The following USP9Y variants were observed in gnomAD, a reference collection of about 807,000 sequenced individuals.
The protein encoded by USP9Y is ubiquitin specific peptidase 9 Y-linked.
USP9Y carries 41 observed loss-of-function variants against 53.1 expected under a neutral mutation model. The observed-to-expected ratio is 0.77, with a 90% CI of 0.60 to 1.00. USP9Y has a LOEUF of 1.00. Among genes scored for constraint, USP9Y ranks in the 50% least tolerant of loss-of-function variants. USP9Y has a pLI of 0.00. For synonymous variants in USP9Y, 220 were observed against 173.7 expected, an observed-to-expected ratio of 1.27 and a Z score of -2.09; for missense variants, 567 against 535.8, an observed-to-expected ratio of 1.06 and a Z score of -0.58.
rs2053538019 is a variant in USP9Y, at chrY:12,818,435, C to T, written c.4846C>T (p.Arg1616Ter). The T allele has an allele frequency of 2.5e-6, 1 of 394,507 alleles. No individual in the cohort carries two copies. Among genetic ancestry groups the T allele is most frequent in the Admixed American group, 7.6e-5 (1 of 13,076 alleles). ...TGGTCTCTAGAGTAATGTTGATCCC[C>T]GAGATGATGTATTTGGATATCCTCA... ...KQDSESNVDP[R>*]DDVFGYPHQF... The change falls in exon 33 of 46, where the codon CGA becomes TGA. Residue 1616 changes from arginine to a stop codon, truncating the protein, a stop_gained. Coordinates refer to ENST00000338981, the MANE Select transcript of USP9Y (RefSeq NM_004654.4). LOFTEE classifies it high-confidence loss of function.
chrY:12,762,297 T>C (rs757463658), intron 15 of USP9Y, among the ~76,000 whole-genome samples: 1 of 33,751 alleles, frequency 3.0e-5, no homozygotes, highest in African/African-American at 1.1e-4. Context: ...ACTCCAATGA[T>C]AATTTTATTC....
At chrY:12,792,927 G>T in intron 26 of USP9Y, 105 bp from the exon 27 acceptor site, 2 of 262,945 alleles carry the variant, frequency 7.6e-6, no homozygotes, top group Non-Finnish European at 6.1e-6. Flanking sequence ...GTCTGAGGCC[G>T]CATGGTCTTT....
chrY:12,792,478 T>G (rs772689622), intron 26 of USP9Y, among the ~76,000 whole-genome samples: 38 of 34,124 alleles, frequency 1.1e-3, no homozygotes, highest in African/African-American at 4.0e-3. Context: ...AAAATATACA[T>G]TAGTGTATTT....
At chrY:12,736,681 A>G in intron 10 of USP9Y, 132 bp downstream of exon 10, 1 of 142,433 alleles carries the variant, frequency 7.0e-6, no homozygotes, top group Admixed American at 1.5e-4. Context: ...AGATCTTTTT[A>G]TAATAATAAT....
intron 33 of USP9Y, among the ~76,000 whole-genome samples, chrY:12,828,891 A>C (rs972742300): frequency 2.7e-4 from 9 of 33,087 alleles, no homozygotes; most frequent in Non-Finnish European, 5.2e-4. Flanking sequence ...AAACAAAAAA[A>C]CCAACAACAT....
At chrY:12,847,415 C>T in intron 42 of USP9Y, 88 bp downstream of exon 42, 2 of 205,472 alleles carry the variant, frequency 9.7e-6, no homozygotes, top group East Asian at 1.0e-4. Context: ...CATTTTTTAT[C>T]TTTGATACTC....
Position 12,736,079 on chromosome Y carries a change from T to C in USP9Y, c.855T>C (p.His285=), listed in dbSNP as rs2053451324. The C allele has an allele frequency of 1.5e-5, 6 of 396,067 alleles. No individual in the cohort carries two copies. ...TTCCAGTTATAGAAATAGTTCCACA[T>C]TTATTGGAAAACTTAACTGATGAAG... ...YFIPVIEIVP[H]LLENLTDEEL... The change falls in exon 9 of 46, where the codon CAT becomes CAC. Residue 285 remains histidine (H), a synonymous_variant. Transcript: ENST00000338981.
chrY:12,848,800 C>G, intron 42 of USP9Y, among the ~76,000 whole-genome samples: 20 of 33,303 alleles, frequency 6.0e-4, no homozygotes, highest in African/African-American at 2.4e-3. Context: ...GGCCTCTATT[C>G]TGTTCCATTG....
At chrY:12,849,548 GT>G (rs2053570201) in intron 42 of USP9Y, among the ~76,000 whole-genome samples, 11 of 30,707 alleles carry the variant, frequency 3.6e-4, no homozygotes, top group South Asian at 3.1e-3. Context: ...AATGCTTCCA[GT>G]TTTTGCCCAT....
intron 3 of USP9Y, among the ~76,000 whole-genome samples, chrY:12,714,039 C>T: frequency 3.4e-5 from 1 of 29,324 alleles, no homozygotes; most frequent in Admixed American, 3.1e-4. Flanking sequence ...ATTACAGGCA[C>T]GTGTCACCAC....
chrY:12,776,780 A>G lies in USP9Y; in HGVS notation c.2559A>G (p.Arg853=). ...GACAAGAAGCCATTCGAATGGTTAG[A>G]GTATTAACTGTTATAAAAGAGTACA... The part of the protein sequence containing the change: ...CARQEAIRMV[R]VLTVIKEYIN... Residue 853 remains arginine, a synonymous_variant, in exon 19 of 46, where the codon AGA becomes AGG. Coordinates refer to ENST00000338981, the MANE Select transcript of USP9Y (RefSeq NM_004654.4). The G allele has an allele frequency of 2.5e-6, 1 of 396,900 alleles. No individual in the cohort carries two copies. Among genetic ancestry groups the G allele is most frequent in the Non-Finnish European group, 3.5e-6 (1 of 281,758 alleles).
chrY:12,782,364 C>T, intron 22 of USP9Y, among the ~76,000 whole-genome samples: 1 of 33,664 alleles, frequency 3.0e-5, no homozygotes, highest in East Asian at 7.9e-4. Flanking sequence ...CTCACAATTA[C>T]TCCATGGGCT....
intron 33 of USP9Y, among the ~76,000 whole-genome samples, chrY:12,823,188 A>G (rs200222074): frequency 3.0e-5 from 1 of 33,148 alleles, no homozygotes; most frequent in East Asian, 7.8e-4. Flanking sequence ...TTAAATTGAA[A>G]CTTTATATTC....
In USP9Y at chrY:12,846,516, A is replaced by G. The variant is rs374174704; in HGVS notation, c.6752A>G (p.Asn2251Ser). ...NVSSTMQSSI[N>S]GNPPLPNPFG... ...TCATCAACAATGCAGTCTTCAATCA[A>G]TGGTAAAGTAGCATGTTCCATTTCT... The change falls in exon 40 of 46, where the codon AAT becomes AGT. Residue 2251 changes from asparagine to serine, a missense_variant and splice_region_variant. Coordinates refer to ENST00000338981, the MANE Select transcript of USP9Y (RefSeq NM_004654.4). 7.6e-6 allele frequency: 3 copies of G among 396,372 alleles called. No homozygotes were observed. The highest frequency in any genetic ancestry group is 1.1e-5 in the Non-Finnish European group (3 of 281,353).
rs770764944 is a variant in USP9Y at position 12,772,904 on chromosome Y, C to G, written c.1989-679C>G. Among the ~76,000 whole-genome samples the G allele has an allele frequency of 1.3e-4, 4 of 31,357 alleles. No homozygotes were observed. In the East Asian group the frequency reaches 3.4e-3, roughly 27 times the overall value. The allele number at this position is 31,357 out of a possible 37,273, so 84.1% of individuals were successfully genotyped here. ...AAGTTATTATTCAAATTAAAATAAACTTATTTTTCCTTTCATTGTCATTCA... is the reference window on the plus strand; with the variant it reads ...AAGTTATTATTCAAATTAAAATAAAGTTATTTTTCCTTTCATTGTCATTCA... On this transcript the variant is annotated intron_variant, in intron 16 of 45. Transcript: ENST00000338981.
In USP9Y at chrY:12,843,053, A is replaced by G. The variant is rs368002700; in HGVS notation, c.6439-11A>G. The stretch of plus-strand genomic sequence containing the variant: ...CTTGATGCTGATAAAATAATATTTC[A>G]TTTTTCACAGGCATGTGATAACTTG... On this transcript the variant is annotated splice_polypyrimidine_tract_variant and intron_variant, in intron 38 of 45. Coordinates refer to ENST00000338981, the MANE Select transcript of USP9Y (RefSeq NM_004654.4). 2.5e-6 allele frequency: 1 copy of G among 394,773 alleles called. No homozygotes were observed. The highest frequency in any genetic ancestry group is 9.3e-5 in the East Asian group (1 of 10,713).
chrY:12,740,720 A>G, intron 12 of USP9Y, among the ~76,000 whole-genome samples: 4 of 33,111 alleles, frequency 1.2e-4, no homozygotes, highest in Non-Finnish European at 3.0e-4. Flanking sequence ...GTAGGCAAGG[A>G]CATCAATATT....
intron 11 of USP9Y, among the ~76,000 whole-genome samples, chrY:12,738,549 T>G: frequency 3.1e-5 from 1 of 32,653 alleles, no homozygotes; most frequent in Non-Finnish European, 7.5e-5. Context: ...TGTTTTGTTT[T>G]GTTTTGTTTT....
intron 7 of USP9Y, among the ~76,000 whole-genome samples, chrY:12,732,550 G>A (rs2053447808): frequency 3.0e-5 from 1 of 33,211 alleles, no homozygotes; most frequent in Non-Finnish European, 7.4e-5. Flanking sequence ...CACCATGTTG[G>A]CCAGCATGGT....
Sources: gnomAD v4.1 joint callset for allele counts (sites outside exome capture counted in the v4.1 genomes callset) on GRCh38, gnomAD v4.1.1 for gene constraint, MANE v1.5 for transcripts, NCBI Gene and HGNC (gene_info 2026-07-23, HGNC 2026-07-21) for gene names.